FRMD5: variants seen among roughly 807,000 people sequenced by gnomAD.
The protein encoded by FRMD5 is FERM domain containing 5, also known as FERM domain-containing protein 5.
A neutral mutation model predicts 69.0 loss-of-function variants in FRMD5; 20 were observed. The ratio of observed to expected loss-of-function variants is 0.29; its 90% confidence interval spans 0.20 to 0.42. The LOEUF is 0.42. Among genes scored for constraint, FRMD5 ranks in the 10% least tolerant of loss-of-function variants. The pLI is 1.00. For missense variants in FRMD5, 595 were observed against 708.6 expected (o/e 0.84, Z 1.82); for synonymous variants, 271 against 260.1 (o/e 1.04, Z -0.40).
chr15:43,873,774 G>A lies in FRMD5; in HGVS notation c.*111C>T, dbSNP rs779581246. On this transcript the variant is annotated 3_prime_UTR_variant, in exon 14 of 14. Coordinates refer to ENST00000417257, the MANE Select transcript of FRMD5 (RefSeq NM_032892.5). ...GGCTGCAGTGGACTTTGAGTCATGA[G>A]AGGAGGACTTGGTATATGTGCCGAT... 6.5e-7 allele frequency: 1 copy of A among 1,537,098 alleles called. No homozygotes were observed. Among genetic ancestry groups the A allele is most frequent in the Non-Finnish European group, 8.7e-7 (1 of 1,145,126 alleles).
chr15:43,976,422 A>G (rs1349318071), intron 1 of FRMD5, among the ~76,000 whole-genome samples: 1 of 152,160 alleles, frequency 6.6e-6, no homozygotes, highest in Admixed American at 6.5e-5. Context: ...AATAAAAAGA[A>G]CCCTCAACAT....
intron 1 of FRMD5, among the ~76,000 whole-genome samples, chr15:44,069,679 A>G: frequency 6.6e-6 from 1 of 152,192 alleles, no homozygotes; most frequent in Non-Finnish European, 1.5e-5. Flanking sequence ...AGAGGTGTCT[A>G]TAAAAGGCAA....
chr15:44,057,619 T>G (rs532034153), intron 1 of FRMD5, among the ~76,000 whole-genome samples: 1 of 152,320 alleles, frequency 6.6e-6, no homozygotes, highest in South Asian at 2.1e-4. Flanking sequence ...AAGCTTCACT[T>G]AATTTCCAGT....
rs1196397716 is a variant in FRMD5 at position 43,873,771 on chromosome 15, T to C, written c.*114A>G. 5 of 1,533,998 alleles carry C rather than the reference T, an allele frequency of 3.3e-6. No homozygotes were observed. The highest frequency in any genetic ancestry group is 3.5e-6 in the Non-Finnish European group (4 of 1,143,734). On this transcript the variant is annotated 3_prime_UTR_variant, in exon 14 of 14. Transcript: ENST00000417257. ...CTAGGCTGCAGTGGACTTTGAGTCA[T>C]GAGAGGAGGACTTGGTATATGTGCC...
chr15:44,198,857 T>C (rs539268163), upstream of FRMD5, among the ~76,000 whole-genome samples: 2 of 152,310 alleles, frequency 1.3e-5, no homozygotes, highest in African/African-American at 4.8e-5. Flanking sequence ...TGTCTTTAAG[T>C]ATAAAGGAGG....
intron 1 of FRMD5, among the ~76,000 whole-genome samples, chr15:44,128,849 G>GA (rs1176364299): frequency 3.3e-4 from 49 of 149,894 alleles, no homozygotes; most frequent in Middle Eastern, 3.5e-3. Context: ...AAAAGAAAAA[G>GA]AAAAAAAAAC....
At chr15:44,175,803 T>C (rs1444042061) in intron 1 of FRMD5, among the ~76,000 whole-genome samples, 2 of 152,114 alleles carry the variant, frequency 1.3e-5, no homozygotes, top group Admixed American at 1.3e-4. Context: ...ACTGCTAATA[T>C]ACACACTAAC....
At chr15:44,008,780 A>G (rs1265291513) in intron 1 of FRMD5, among the ~76,000 whole-genome samples, 1 of 152,046 alleles carries the variant, frequency 6.6e-6, no homozygotes, top group African/African-American at 2.4e-5. Flanking sequence ...TAATCCCAGC[A>G]CTTTGGGAGG....
chr15:44,027,665 T>C (rs1250006407), intron 1 of FRMD5, among the ~76,000 whole-genome samples: 2 of 143,022 alleles, frequency 1.4e-5, no homozygotes, highest in Non-Finnish European at 3.0e-5. Flanking sequence ...TTTTTTTTTT[T>C]TCCGAGACAG....
intron 1 of FRMD5, among the ~76,000 whole-genome samples, chr15:44,159,848 T>C (rs984867711): frequency 2.6e-5 from 4 of 152,204 alleles, no homozygotes; most frequent in African/African-American, 7.2e-5. Context: ...TTTTCATACC[T>C]TTAAATAGAA....
chr15:43,965,841 A>C (rs952248962), intron 1 of FRMD5, among the ~76,000 whole-genome samples: 15 of 152,008 alleles, frequency 9.9e-5, no homozygotes, highest in African/African-American at 3.6e-4. Flanking sequence ...TGGCCTCCCA[A>C]AGTGCTGGGA....
intron 1 of FRMD5, among the ~76,000 whole-genome samples, chr15:44,074,383 A>T (rs1451583715): frequency 6.6e-6 from 1 of 152,216 alleles, no homozygotes; most frequent in African/African-American, 2.4e-5. Context: ...GAAACAAATG[A>T]ATTATTATTT....
At chr15:43,879,740 G>T in intron 13 of FRMD5, 1 of 398,670 alleles carries the variant, frequency 2.5e-6, no homozygotes, top group South Asian at 1.3e-4. Flanking sequence ...CAGCCAGGCA[G>T]GGAGAGATAC....
intron 1 of FRMD5, among the ~76,000 whole-genome samples, chr15:43,928,521 G>C (rs1392139491): frequency 6.6e-6 from 1 of 152,140 alleles, no homozygotes; most frequent in Admixed American, 6.5e-5. Flanking sequence ...CATCATGATG[G>C]GCTCCCTACA....
intron 1 of FRMD5, among the ~76,000 whole-genome samples, chr15:44,021,400 T>G (rs367747915): frequency 6.6e-6 from 1 of 152,212 alleles, no homozygotes; most frequent in South Asian, 2.1e-4. Context: ...GCAATGCATA[T>G]AGCTGATAAG....
chr15:43,951,314 C>G (rs59770554), intron 1 of FRMD5, among the ~76,000 whole-genome samples: 18,998 of 150,818 alleles, frequency 0.13, 2,286 homozygotes, highest in African/African-American at 0.31. Flanking sequence ...CCCAGCTACT[C>G]GGGAGGCTGA....
intron 1 of FRMD5, among the ~76,000 whole-genome samples, chr15:44,119,116 C>A (rs2076910805): frequency 1.3e-5 from 2 of 152,124 alleles, no homozygotes; most frequent in South Asian, 4.2e-4. Flanking sequence ...CCACCACACC[C>A]AGTTAATTTT....
intron 1 of FRMD5, among the ~76,000 whole-genome samples, chr15:44,082,555 T>C (rs113025903): frequency 0.015 from 2,276 of 152,120 alleles, 36 homozygotes; most frequent in Non-Finnish European, 0.022. Context: ...TGCCAAGAAA[T>C]TCTATGAGAC....
At chr15:43,900,015 T>C (rs1314666819) in intron 7 of FRMD5, among the ~76,000 whole-genome samples, 2 of 152,202 alleles carry the variant, frequency 1.3e-5, no homozygotes, top group Non-Finnish European at 2.9e-5. Context: ...GTGGGTGCTA[T>C]GTGTGGCCTC....
Sources: gnomAD v4.1 joint callset for allele counts (sites outside exome capture counted in the v4.1 genomes callset) on GRCh38, gnomAD v4.1.1 for gene constraint, MANE v1.5 for transcripts, NCBI Gene and HGNC (gene_info 2026-07-23, HGNC 2026-07-21) for gene names.